PSIP1: variants seen among roughly 807,000 people sequenced by gnomAD.
PSIP1 encodes PC4 and SRSF1 interacting protein 1.
A neutral mutation model predicts 74.7 loss-of-function variants in PSIP1; 19 were observed. The observed-to-expected ratio is 0.25, with a 90% CI of 0.18 to 0.37. The LOEUF is 0.37. Among genes scored for constraint, PSIP1 ranks in the 10% least tolerant of loss-of-function variants. The pLI, the probability that PSIP1 is intolerant of heterozygous loss-of-function variation, is 1.00. For synonymous variants in PSIP1, 222 were observed against 195.3 expected (o/e 1.14, Z -1.14); for missense variants, 601 against 614.3 (o/e 0.98, Z 0.23).
In PSIP1 at chr9:15,486,904, A is replaced by T. The variant is rs778108645; in HGVS notation, c.316T>A (p.Ser106Thr). ...TCCTTTTCTTCAACTTCAACATCAG[A>T]TGATGCATTTGATTGTTTAGTTGCT... ...QAATKQSNAS[S>T]DVEVEEKETS... The change falls in exon 5 of 16, where the codon TCT becomes ACT. Residue 106 changes from serine to threonine, a missense_variant. Around this residue, in one of 2 missense-constraint regions of PSIP1, gnomAD observed 538 missense variants for 507.6 expected, o/e 1.06. Coordinates refer to ENST00000380733, the MANE Select transcript of PSIP1 (RefSeq NM_033222.5). 10 of 1,611,684 alleles carry T rather than the reference A, an allele frequency of 6.2e-6. No individual in the cohort carries two copies. The East Asian group carries it at 2.2e-4, about 36-fold the overall frequency.
chr9:15,486,166 C>T, intron 5 of PSIP1, 98 bp from the exon 6 acceptor site: 4 of 976,128 alleles, frequency 4.1e-6, no homozygotes, highest in East Asian at 2.5e-5. Flanking sequence ...TAACTGAAAG[C>T]ATTGGGGAAA....
chr9:15,510,084 C>T, intron 2 of PSIP1, 33 bp downstream of exon 2: 1 of 1,588,256 alleles, frequency 6.3e-7, no homozygotes, highest in Admixed American at 1.7e-5. Context: ...AGGAGGGTAG[C>T]ACTGCTAAGC....
At chr9:15,495,827 C>G (rs2037048555) in intron 3 of PSIP1, among the ~76,000 whole-genome samples, 1 of 152,206 alleles carries the variant, frequency 6.6e-6, no homozygotes, top group African/African-American at 2.4e-5. Context: ...AGCTTGCCTT[C>G]ACTAAGTTTC....
rs754070061 is a variant in PSIP1 at position 15,469,260 on chromosome 9, A to G, written c.1104+6T>C. ...ACTGAAGTATTAAATGAAGTTAAAC[A>G]CTTACAAGATTATCAATTTTGAGTG... On this transcript the variant is annotated splice_donor_region_variant and intron_variant, in intron 12 of 15. Transcript: ENST00000380733. 2 of 1,521,554 alleles carry G rather than the reference A, an allele frequency of 1.3e-6. No homozygotes were observed. Among genetic ancestry groups the G allele is most frequent in the Non-Finnish European group, 1.8e-6 (2 of 1,112,520 alleles). 94.3% of individuals were successfully genotyped at this position (1,521,554 alleles called of 1,614,324 possible). A position where few individuals can be genotyped will look rare whatever the true frequency, so the allele number is the denominator to read the frequency against.
At chr9:15,466,386 AAAC>A (rs143901249) in intron 15 of PSIP1, among the ~76,000 whole-genome samples, 18,486 of 152,198 alleles carry the variant, frequency 0.12, 1,337 homozygotes, top group Non-Finnish European at 0.17. Flanking sequence ...CTCAAAGAAA[AAAC>A]AACAACAACA....
chr9:15,500,730 C>T (rs898018257), intron 3 of PSIP1, among the ~76,000 whole-genome samples: 1 of 152,090 alleles, frequency 6.6e-6, no homozygotes, highest in African/African-American at 2.4e-5. Flanking sequence ...TTTAAAGTTC[C>T]TAAAACTGAG....
At chr9:15,486,996 TTTA>T in intron 4 of PSIP1, 65 bp from the exon 5 acceptor site, 1 of 1,040,948 alleles carries the variant, frequency 9.6e-7, no homozygotes, top group Non-Finnish European at 1.4e-6. Context: ...TATACAATTC[TTTA>T]TTTTTATTTT....
intron 3 of PSIP1, among the ~76,000 whole-genome samples, chr9:15,501,844 T>TATAC (rs2037360075): frequency 7.5e-6 from 1 of 133,264 alleles, no homozygotes; most frequent in South Asian, 2.2e-4. Context: ...AAACAGCATA[T>TATAC]ATATATATAT....
chr9:15,506,920 G>A (rs961749313), intron 2 of PSIP1, among the ~76,000 whole-genome samples: 2 of 152,138 alleles, frequency 1.3e-5, no homozygotes, highest in African/African-American at 4.8e-5. Context: ...ATATTATTAT[G>A]TGCTATTCCA....
intron 3 of PSIP1, among the ~76,000 whole-genome samples, chr9:15,496,850 G>A (rs1044867178): frequency 6.6e-6 from 1 of 152,016 alleles, no homozygotes; most frequent in African/African-American, 2.4e-5. Context: ...AGTTATCCAG[G>A]AAATGTAAAT....
At chr9:15,498,372 T>C (rs1228143981) in intron 3 of PSIP1, among the ~76,000 whole-genome samples, 2 of 152,040 alleles carry the variant, frequency 1.3e-5, no homozygotes, top group Non-Finnish European at 2.9e-5. Context: ...GACAAGATCG[T>C]GCCACTGCAT....
chr9:15,502,422 A>G (rs971703347), intron 3 of PSIP1, among the ~76,000 whole-genome samples: 13 of 152,290 alleles, frequency 8.5e-5, no homozygotes, highest in Non-Finnish European at 1.2e-4. Context: ...TGAAACCAAC[A>G]TAGAGTAAGC....
intron 3 of PSIP1, among the ~76,000 whole-genome samples, chr9:15,504,304 G>A (rs906587821): frequency 6.6e-6 from 1 of 151,930 alleles, no homozygotes; most frequent in Non-Finnish European, 1.5e-5. Flanking sequence ...CCAAACAACA[G>A]TTTAGTTATT....
intron 10 of PSIP1, chr9:15,471,472 T>G (rs1325596335): frequency 1.0e-6 from 1 of 962,246 alleles, no homozygotes; most frequent in East Asian, 1.1e-4. Context: ...TAGTAACAAC[T>G]AATTTTATAT....
At chr9:15,476,072 A>G (rs554091122) in intron 8 of PSIP1, among the ~76,000 whole-genome samples, 1 of 152,270 alleles carries the variant, frequency 6.6e-6, no homozygotes, top group Admixed American at 6.5e-5. Context: ...AACGGTGAAG[A>G]GCAGAAGTTT....
chr9:15,504,274 ACTAT>A (rs777052623), intron 3 of PSIP1, among the ~76,000 whole-genome samples: 1 of 152,224 alleles, frequency 6.6e-6, no homozygotes, highest in African/African-American at 2.4e-5. Context: ...GTCTTCATTA[ACTAT>A]CTAATTACCT....
At chr9:15,489,614 A>C (rs866744249) in intron 4 of PSIP1, among the ~76,000 whole-genome samples, 38 of 151,116 alleles carry the variant, frequency 2.5e-4, no homozygotes, top group South Asian at 2.3e-3. Context: ...ACCTCAAAAA[A>C]AAAAAAAAAA....
chr9:15,471,110 G>C (rs1241904359), intron 10 of PSIP1: 3 of 1,589,584 alleles, frequency 1.9e-6, no homozygotes, highest in Admixed American at 3.5e-5. Flanking sequence ...AGTCCAATGA[G>C]TCTGTATCAA....
intron 4 of PSIP1, among the ~76,000 whole-genome samples, chr9:15,488,821 A>C (rs182697821): frequency 6.6e-6 from 1 of 151,508 alleles, no homozygotes; most frequent in Non-Finnish European, 1.5e-5. Flanking sequence ...GGAGATCGAG[A>C]CCATCCTGGC....
Sources: gnomAD v4.1 joint callset for allele counts (sites outside exome capture counted in the v4.1 genomes callset) on GRCh38, gnomAD v4.1.1 for gene constraint, gnomAD v4.1.1 regional missense constraint, MANE v1.5 for transcripts, NCBI Gene and HGNC (gene_info 2026-07-23, HGNC 2026-07-21) for gene names.